Variants in MEP1A observed in about 807,000 individuals in gnomAD.
The protein encoded by MEP1A is N-benzoyl-L-tyrosyl-P-amino-benzoic acid hydrolase subunit alpha.
Under a neutral mutation model 84.5 loss-of-function variants are expected in MEP1A, and 68 were observed. That is an observed-to-expected ratio of 0.80 (90% CI 0.66 to 0.98). The LOEUF is 0.98. MEP1A is among the 50% of genes least tolerant of loss of function. MEP1A has a pLI of 0.00. For missense variants in MEP1A, 887 were observed against 919.9 expected (o/e 0.96, Z 0.46); for synonymous variants, 337 against 336.8 (o/e 1.00, Z -0.01).
chr6:46,839,166 C>T lies in MEP1A; in HGVS notation c.*30C>T. ...CCTGCTGGCATTGGCCAGACCACAG[C>T]AGCACCTCCTCCATGCAGGCCTTAA... is the stretch of plus-strand genomic sequence containing the variant. On this transcript the variant is annotated 3_prime_UTR_variant, in exon 14 of 14. Coordinates refer to ENST00000230588, the MANE Select transcript of MEP1A (RefSeq NM_005588.3). 6 of 1,599,264 alleles carry T rather than the reference C, an allele frequency of 3.8e-6. No individual in the cohort carries two copies. Among genetic ancestry groups the T allele is most frequent in the Non-Finnish European group, 5.1e-6 (6 of 1,171,356 alleles).
At chr6:46,821,582 A>G (rs755209211) in intron 7 of MEP1A, among the ~76,000 whole-genome samples, 3 of 152,212 alleles carry the variant, frequency 2.0e-5, no homozygotes, top group Admixed American at 6.5e-5. Flanking sequence ...TGTAAGCCTC[A>G]ATTTCTTACC....
downstream of MEP1A, among the ~76,000 whole-genome samples, chr6:46,841,481 C>A (rs1768330151): frequency 6.6e-6 from 1 of 152,106 alleles, no homozygotes; most frequent in African/African-American, 2.4e-5. Flanking sequence ...TGGCAGAGGG[C>A]ATGTAGGGTG....
chr6:46,811,530 G>A (rs970716446), intron 6 of MEP1A, among the ~76,000 whole-genome samples: 3 of 151,920 alleles, frequency 2.0e-5, no homozygotes, highest in Non-Finnish European at 4.4e-5. Flanking sequence ...TAGTAACAGA[G>A]GGCATCTTTG....
chr6:46,793,438 T>C lies in MEP1A; in HGVS notation c.40T>C (p.Leu14=). The C allele has an allele frequency of 1.2e-6, 2 of 1,601,324 alleles. No homozygotes were observed. The highest frequency in any genetic ancestry group is 1.3e-5 in the African/African-American group (1 of 74,080). The change falls in exon 1 of 14, where the codon TTG becomes CTG. Residue 14 remains leucine (L), a synonymous_variant. Transcript: ENST00000230588. ...ATCCACTTGCATTCTCTTTTTTACCTTGCTTTTTGCCCACATAGCAGCTGT... is the reference window on the plus strand; with the variant it reads ...ATCCACTTGCATTCTCTTTTTTACCCTGCTTTTTGCCCACATAGCAGCTGT... ...IRSTCILFFT[L]LFAHIAAVPI... is the part of the protein sequence containing the mutation.
chr6:46,829,256 C>T, intron 9 of MEP1A, 100 bp from the exon 10 acceptor site: 1 of 934,272 alleles, frequency 1.1e-6, no homozygotes, highest in Non-Finnish European at 1.7e-6. Flanking sequence ...TTTTTGTTGC[C>T]TGGACAATGG....
At position 46,807,565 on chromosome 6, in the gene MEP1A, AAAGGAAGGAAGGAAGG is replaced by A. The variant is rs1221947370; in HGVS notation, c.263-1812_263-1797del. On this transcript the variant is annotated intron_variant, in intron 5 of 13. Coordinates refer to ENST00000230588, the MANE Select transcript of MEP1A (RefSeq NM_005588.3). The stretch of plus-strand genomic sequence containing the variant: ...GAAAGAAAGAAAGAAAGAAAGAAAG[AAAGGAAGGAAGGAAGG>A]AAGGAAGGAAGGAAGGAAGGAAGGA... 1.3e-4 allele frequency among the ~76,000 whole-genome samples: 9 copies of A among 71,834 alleles called. No individual in the cohort carries two copies. The East Asian group carries it at 1.4e-3, about 11-fold the overall frequency. 47.1% of individuals were successfully genotyped at this position (71,834 alleles called of 152,430 possible).
Position 46,801,228 on chromosome 6 carries a change from ACTC to A in MEP1A, c.262+2053_262+2055del, listed in dbSNP as rs1489977569. Among the ~76,000 whole-genome samples, 19 of 152,054 alleles carry A rather than the reference ACTC, an allele frequency of 1.2e-4. No homozygotes were observed. In the East Asian group the frequency reaches 2.3e-3, roughly 19 times the overall value. ...TTCCAAAGTGGCTGTGCCATTGTAC[ACTC>A]CTCCTGAAAATATATGAGTGTTTCA... On this transcript the variant is annotated intron_variant, in intron 5 of 13. Coordinates refer to ENST00000230588, the MANE Select transcript of MEP1A (RefSeq NM_005588.3).
At chr6:46,797,760 GTCTTTCTTTCTTTTTCTT>G (rs1562102470) in intron 3 of MEP1A, among the ~76,000 whole-genome samples, 1 of 151,212 alleles carries the variant, frequency 6.6e-6, no homozygotes, top group Admixed American at 6.6e-5. Flanking sequence ...TCTCTCAATA[GTCTTTCTTTCTTTTTCTT>G]TCTTTCTTTC....
At chr6:46,826,246 T>A (rs1767942124) in intron 8 of MEP1A, 108 bp from the exon 9 acceptor site, 1 of 996,750 alleles carries the variant, frequency 1.0e-6, no homozygotes, top group Non-Finnish European at 1.4e-6. Context: ...GATAACAAGC[T>A]TGTGATCCTG....
chr6:46,843,762 C>A (rs938842657), downstream of MEP1A, among the ~76,000 whole-genome samples: 1 of 152,166 alleles, frequency 6.6e-6, no homozygotes, highest in Non-Finnish European at 1.5e-5. Flanking sequence ...TTGAGCTCTG[C>A]CTTTCTCATG....
At position 46,793,587 on chromosome 6, in the gene MEP1A, G is replaced by C; in HGVS notation, c.94+11G>C. ...TTCCTGAAGAAAATGGTAAGAATTA[G>C]TTCAAATGCACAGAGAGTGTTTTTG... On this transcript the variant is annotated intron_variant, in intron 2 of 13. Transcript: ENST00000230588. The C allele has an allele frequency of 6.4e-7, 1 of 1,555,038 alleles. No individual in the cohort carries two copies.
At chr6:46,797,626 G>C (rs1211784578) in intron 3 of MEP1A, among the ~76,000 whole-genome samples, 1 of 152,164 alleles carries the variant, frequency 6.6e-6, no homozygotes, top group Non-Finnish European at 1.5e-5. Flanking sequence ...TTTGGGACAA[G>C]AGGCAGAATG....
intron 10 of MEP1A, among the ~76,000 whole-genome samples, chr6:46,831,260 G>T (rs1036027596): frequency 6.6e-6 from 1 of 152,080 alleles, no homozygotes; most frequent in Non-Finnish European, 1.5e-5. Context: ...TTTAAGTTTT[G>T]CAAAATGTAT....
At position 46,837,529 on chromosome 6, in the gene MEP1A, C is replaced by T. The variant is rs371401749; in HGVS notation, c.2085-1451C>T. On this transcript the variant is annotated intron_variant, in intron 13 of 13. Coordinates refer to ENST00000230588, the MANE Select transcript of MEP1A (RefSeq NM_005588.3). Reference sequence around the variant, plus strand: ...TGGGGAAGGCCCATCTGTTTCTGGGCTCCAAAGCCATAGGTCTGCATATCT... The same window carrying T: ...TGGGGAAGGCCCATCTGTTTCTGGGTTCCAAAGCCATAGGTCTGCATATCT... Among the ~76,000 whole-genome samples the T allele has an allele frequency of 1.7e-4, 26 of 152,338 alleles. No homozygotes were observed. In the South Asian group the frequency reaches 3.7e-3, roughly 22 times the overall value.
downstream of MEP1A, among the ~76,000 whole-genome samples, chr6:46,841,314 CCTCTGTTGATTGATTAAT>C (rs1562120748): frequency 4.6e-5 from 1 of 21,700 alleles, no homozygotes; most frequent in Admixed American, 7.5e-4. Context: ...TTAATGGAAA[CCTCTGTTGATTGATTAAT>C]GGAAACCTCT....
rs1205402607 is a variant in MEP1A, at chr6:46,834,665, G to C, written c.1697G>C (p.Gly566Ala). The C allele has an allele frequency of 1.2e-6, 2 of 1,611,434 alleles. No individual in the cohort carries two copies. The highest frequency in any genetic ancestry group is 8.5e-7 in the Non-Finnish European group (1 of 1,179,470). ...DCNCFRSIDL[G>A]WSGFISHQML... ...AATTGTTTTAGAAGCATCGACTTGG[G>C]CTGGAGTGGTTTCATTTCCCACCAA... Residue 566 changes from glycine (G) to alanine (A), a missense_variant, in exon 12 of 14, where the codon GGC becomes GCC. Coordinates refer to ENST00000230588, the MANE Select transcript of MEP1A (RefSeq NM_005588.3).
chr6:46,825,490 T>G lies in MEP1A; in HGVS notation c.775T>G (p.Cys259Gly), dbSNP rs1345820662. The G allele has an allele frequency of 6.2e-7, 1 of 1,604,314 alleles. No individual in the cohort carries two copies. Among genetic ancestry groups the G allele is most frequent in the Non-Finnish European group, 8.5e-7 (1 of 1,172,488 alleles). Residue 259 changes from cysteine to glycine, a missense_variant, in exon 8 of 14, where the codon TGC becomes GGC. Transcript: ENST00000230588. ...DLERLNRMYN[C>G]TTTHTLLDHC... The stretch of plus-strand genomic sequence containing the variant: ...AGAGAGGCTGAACCGAATGTACAAT[T>G]GCAGTGAGTATCTCAGTTTCTGAGA...
chr6:46,826,537 G>T, intron 9 of MEP1A, 34 bp downstream of exon 9: 1 of 1,420,684 alleles, frequency 7.0e-7, no homozygotes, highest in Non-Finnish European at 9.3e-7. Context: ...ACATTGATGT[G>T]GTTCACCAGG....
chr6:46,810,247 T>A (rs1306519448), intron 6 of MEP1A, among the ~76,000 whole-genome samples: 1 of 152,210 alleles, frequency 6.6e-6, no homozygotes, highest in Non-Finnish European at 1.5e-5. Context: ...ATATGCCTGT[T>A]GGCCATTTCT....
Sources: gnomAD v4.1 joint callset for allele counts (sites outside exome capture counted in the v4.1 genomes callset) on GRCh38, gnomAD v4.1.1 for gene constraint, MANE v1.5 for transcripts, NCBI Gene and HGNC (gene_info 2026-07-23, HGNC 2026-07-21) for gene names.